The following EML6 variants were observed in gnomAD, a reference collection of about 807,000 sequenced individuals.
The protein encoded by EML6 is EMAP like 6, also known as echinoderm microtubule-associated protein-like 6.
EML6 carries 154 observed loss-of-function variants against 240.1 expected under a neutral mutation model. The observed-to-expected ratio is 0.64, with a 90% CI of 0.56 to 0.73. The LOEUF (loss-of-function observed/expected upper bound fraction) is 0.73, where lower values mean the gene tolerates loss of function less well. Among genes scored for constraint, EML6 ranks in the 30% least tolerant of loss-of-function variants. The pLI is 0.00. For synonymous variants in EML6, 1,148 were observed against 899.0 expected (o/e 1.28, Z -4.95); for missense variants, 2,964 against 2,474.6 (o/e 1.20, Z -4.20).
chr2:54,962,025 C>A (rs1676542015), intron 35 of EML6, among the ~76,000 whole-genome samples: 1 of 150,494 alleles, frequency 6.6e-6, no homozygotes, highest in Non-Finnish European at 1.5e-5. Context: ...AAAAACAACA[C>A]TTCTCACCCC....
At chr2:54,759,877 TA>T (rs960443063) in intron 2 of EML6, among the ~76,000 whole-genome samples, 3 of 150,630 alleles carry the variant, frequency 2.0e-5, no homozygotes, top group African/African-American at 7.3e-5. Flanking sequence ...TCCATATATA[TA>T]TATATAAAAT....
In EML6 at chr2:54,829,494, G is replaced by A. The variant is rs919180012; in HGVS notation, c.847+17G>A. On this transcript the variant is annotated intron_variant, in intron 7 of 41. Coordinates refer to ENST00000356458, the MANE Select transcript of EML6 (RefSeq NM_001039753.4). ...GATACAAAGGTAATATATGTGTTAA[G>A]CTTACCTGTAACTCTGGATGTGAAA... 9 of 1,536,824 alleles carry A rather than the reference G, an allele frequency of 5.9e-6. No individual in the cohort carries two copies. The highest frequency in any genetic ancestry group is 1.2e-5 in the South Asian group (1 of 83,092).
intron 17 of EML6, among the ~76,000 whole-genome samples, chr2:54,885,428 C>G (rs976742115): frequency 6.6e-6 from 1 of 150,900 alleles, no homozygotes; most frequent in Non-Finnish European, 1.5e-5. Flanking sequence ...GCCTGGGCAA[C>G]AAGAACGAAA....
intron 39 of EML6, among the ~76,000 whole-genome samples, chr2:54,967,802 A>G (rs528027122): frequency 1.3e-5 from 2 of 152,214 alleles, no homozygotes; most frequent in East Asian, 1.9e-4. Flanking sequence ...TCGGGATGAA[A>G]CTGTTCCACC....
chr2:54,968,082 T>C, intron 39 of EML6, 46 bp from the exon 40 acceptor site: 2 of 1,539,052 alleles, frequency 1.3e-6, no homozygotes, highest in Non-Finnish European at 1.8e-6. Context: ...CAAGGAGCCT[T>C]CGCCGTGACT....
intron 5 of EML6, among the ~76,000 whole-genome samples, chr2:54,825,762 A>G (rs1320341620): frequency 6.6e-6 from 1 of 152,072 alleles, no homozygotes; most frequent in Non-Finnish European, 1.5e-5. Context: ...CCCCACCCCC[A>G]GCTGCCTGAA....
intron 33 of EML6, among the ~76,000 whole-genome samples, chr2:54,958,688 C>T (rs1167769971): frequency 6.6e-6 from 1 of 152,294 alleles, no homozygotes; most frequent in East Asian, 1.9e-4. Flanking sequence ...CTTAAGTGGG[C>T]TATGGGGTGC....
chr2:54,804,074 A>G (rs954217477), intron 2 of EML6, among the ~76,000 whole-genome samples: 2 of 152,230 alleles, frequency 1.3e-5, no homozygotes, highest in East Asian at 3.8e-4. Flanking sequence ...GCAAATTAAG[A>G]CTTACCCTGA....
At chr2:54,937,998 G>A (rs895802820) in intron 28 of EML6, among the ~76,000 whole-genome samples, 11 of 152,122 alleles carry the variant, frequency 7.2e-5, no homozygotes, top group African/African-American at 2.2e-4. Context: ...AATCTGCTTC[G>A]TCCTCACAGG....
Position 54,903,484 on chromosome 2 carries a change from A to C in EML6, c.3391A>C (p.Ile1131Leu). ...AGGTGCTTCTAGTTATATTACACAC[A>C]TTGACTGGGACTCTAGAGGTAAAGT... ...CKGASSYITH[I>L]DWDSRGKLLQ... The change falls in exon 24 of 42, where the codon ATT (isoleucine) becomes CTT (leucine). Residue 1131 changes from isoleucine to leucine, a missense_variant. By Grantham distance (5) the Ile-to-Leu change is conservative (BLOSUM62 2). Coordinates refer to ENST00000356458, the MANE Select transcript of EML6 (RefSeq NM_001039753.4). 6.4e-7 allele frequency: 1 copy of C among 1,551,450 alleles called. No homozygotes were observed. Among genetic ancestry groups the C allele is most frequent in the Non-Finnish European group, 8.7e-7 (1 of 1,146,860 alleles).
intron 17 of EML6, among the ~76,000 whole-genome samples, chr2:54,883,307 A>G (rs1312551314): frequency 6.6e-6 from 1 of 151,872 alleles, no homozygotes; most frequent in Non-Finnish European, 1.5e-5. Flanking sequence ...ACATCATCTC[A>G]CTGTGTTCTA....
At chr2:54,777,040 C>T (rs1464873605) in intron 2 of EML6, among the ~76,000 whole-genome samples, 2 of 152,140 alleles carry the variant, frequency 1.3e-5, no homozygotes, top group Non-Finnish European at 2.9e-5. Context: ...TTTTATTCTA[C>T]CACAATTGCC....
At chr2:54,926,407 C>G (rs1459525101) in intron 26 of EML6, among the ~76,000 whole-genome samples, 1 of 152,210 alleles carries the variant, frequency 6.6e-6, no homozygotes, top group East Asian at 1.9e-4. Flanking sequence ...TGGCCATATT[C>G]CAGGTTTTTC....
At position 54,895,409 on chromosome 2, in the gene EML6, T is replaced by A. The variant is rs1009419262; in HGVS notation, c.2982+9T>A. 2.6e-6 allele frequency: 4 copies of A among 1,551,744 alleles called. No individual in the cohort carries two copies. The East Asian group carries it at 9.8e-5, about 38-fold the overall frequency. On this transcript the variant is annotated intron_variant, in intron 21 of 41. Transcript: ENST00000356458. Reference sequence around the variant, plus strand: ...TGACACTGCTTGTTCAGGTACTGTTTGTATGTATTCTAAACTGCAGTTCAC... The same window carrying A: ...TGACACTGCTTGTTCAGGTACTGTTAGTATGTATTCTAAACTGCAGTTCAC...
rs564159925 is a variant in EML6, at chr2:54,903,801, A to T, written c.3409+299A>T. Among the ~76,000 whole-genome samples, 4 of 152,262 alleles carry T rather than the reference A, an allele frequency of 2.6e-5. No individual in the cohort carries two copies. In the East Asian group the frequency reaches 7.7e-4, roughly 29 times the overall value. On this transcript the variant is annotated intron_variant, in intron 24 of 41. Coordinates refer to ENST00000356458, the MANE Select transcript of EML6 (RefSeq NM_001039753.4). ...CATAGCAAGCCACCACCTCACCTTT[A>T]GTTGGGAGTGCTTTCTCCTTGTCTT...
intron 21 of EML6, among the ~76,000 whole-genome samples, chr2:54,896,660 C>A (rs998372321): frequency 6.6e-5 from 10 of 152,178 alleles, no homozygotes; most frequent in Non-Finnish European, 1.3e-4. Context: ...TTCCAAGATT[C>A]CAGTGCAGGA....
At chr2:54,830,299 G>T (rs1284023500) in intron 7 of EML6, among the ~76,000 whole-genome samples, 4 of 152,170 alleles carry the variant, frequency 2.6e-5, no homozygotes, top group Non-Finnish European at 4.4e-5. Context: ...AGGTTGGGAG[G>T]TTCTGTTCAC....
At chr2:54,741,095 G>T (rs1683609530) in intron 2 of EML6, among the ~76,000 whole-genome samples, 2 of 152,202 alleles carry the variant, frequency 1.3e-5, no homozygotes, top group East Asian at 3.9e-4. Context: ...CGATCACAGC[G>T]ATCCAGGCAG....
chr2:54,883,935 T>C (rs1317515885), intron 17 of EML6, among the ~76,000 whole-genome samples: 4 of 152,188 alleles, frequency 2.6e-5, no homozygotes, highest in African/African-American at 9.7e-5. Flanking sequence ...CAACAAAAGC[T>C]CTCACCCAAA....
Sources: gnomAD v4.1 joint callset for allele counts (sites outside exome capture counted in the v4.1 genomes callset) on GRCh38, gnomAD v4.1.1 for gene constraint, MANE v1.5 for transcripts, NCBI Gene and HGNC (gene_info 2026-07-23, HGNC 2026-07-21) for gene names.